XKR4: variants seen among roughly 807,000 people sequenced by gnomAD.
XKR4 encodes the protein XK related 4.
A neutral mutation model predicts 53.9 loss-of-function variants in XKR4; 12 were observed. The ratio of observed to expected loss-of-function variants is 0.22; its 90% CI spans 0.14 to 0.36. XKR4 has a LOEUF of 0.36. Ranked by LOEUF, XKR4 falls within the 10% of genes least tolerant of loss-of-function variation. The pLI is 1.00. For missense variants in XKR4, 799 were observed against 859.5 expected (o/e 0.93, Z 0.88); for synonymous variants, 354 against 362.4 (o/e 0.98, Z 0.26).
At chr8:55,502,605 A>G (rs1001912280) in intron 2 of XKR4, among the ~76,000 whole-genome samples, 1 of 126,290 alleles carries the variant, frequency 7.9e-6, no homozygotes, top group Non-Finnish European at 1.6e-5. Flanking sequence ...TTATTGAGTT[A>G]TAGTTTTTTT....
chr8:55,246,572 C>G (rs1165487210), intron 1 of XKR4, among the ~76,000 whole-genome samples: 1 of 152,142 alleles, frequency 6.6e-6, no homozygotes, highest in African/African-American at 2.4e-5. Flanking sequence ...CTTCTACTTA[C>G]TAAGTATATA....
rs138724540 is a variant in XKR4, at chr8:55,192,249, A to C, written c.806+88955A>C. ...TACAAAGTCCCTTAACTTTGTTGAA[A>C]TCCTGTGCTAGCCATTCCACAAACC... On this transcript the variant is annotated intron_variant, in intron 1 of 2. Coordinates refer to ENST00000327381, the MANE Select transcript of XKR4 (RefSeq NM_052898.2). Among the ~76,000 whole-genome samples, 583 of 144,692 alleles carry C rather than the reference A, an allele frequency of 4.0e-3. 5 individuals are homozygous for C. The highest frequency in any genetic ancestry group is 0.013 in the African/African-American group (523 of 39,702). 94.9% of individuals were successfully genotyped at this position (144,692 alleles called of 152,430 possible). A position where few individuals can be genotyped will look rare whatever the true frequency, so the allele number is the denominator to read the frequency against.
At chr8:55,124,722 A>T (rs1299807920) in intron 1 of XKR4, among the ~76,000 whole-genome samples, 1 of 151,990 alleles carries the variant, frequency 6.6e-6, no homozygotes, top group Admixed American at 6.6e-5. Flanking sequence ...TTTATTTTTT[A>T]TTCTTTTTAG....
chr8:55,531,303 G>A lies in XKR4; in HGVS notation c.*7076G>A, dbSNP rs1408133985. The stretch of plus-strand genomic sequence containing the variant: ...GCATGCTACTGTACCGAATACTGTA[G>A]GCAACTGTAACACCATGGTAAGTAC... On this transcript the variant is annotated 3_prime_UTR_variant, in exon 3 of 3. Coordinates refer to ENST00000327381, the MANE Select transcript of XKR4 (RefSeq NM_052898.2). 1.3e-5 allele frequency: 2 copies of A among 152,112 alleles called. No homozygotes were observed. Among genetic ancestry groups the A allele is most frequent in the East Asian group, 3.8e-4 (2 of 5,200 alleles). 9.4% of individuals were successfully genotyped at this position (152,112 alleles called of 1,614,324 possible). A position where few individuals can be genotyped will look rare whatever the true frequency, so the allele number is the denominator to read the frequency against.
chr8:55,126,829 C>T (rs1459658090), intron 1 of XKR4, among the ~76,000 whole-genome samples: 3 of 152,276 alleles, frequency 2.0e-5, no homozygotes, highest in East Asian at 1.9e-4. Flanking sequence ...AGGTTAACCA[C>T]GATTAGAGAA....
intron 1 of XKR4, among the ~76,000 whole-genome samples, chr8:55,262,253 C>G (rs937147641): frequency 8.5e-5 from 13 of 152,072 alleles, no homozygotes; most frequent in African/African-American, 3.1e-4. Flanking sequence ...TATAAATTGC[C>G]AGAATTAATC....
chr8:55,274,423 G>A (rs1006686249), intron 1 of XKR4, among the ~76,000 whole-genome samples: 1 of 151,520 alleles, frequency 6.6e-6, no homozygotes, highest in Non-Finnish European at 1.5e-5. Context: ...TATATCTGTG[G>A]GTCCAAATTT....
At chr8:55,391,523 A>G (rs941685975) in intron 2 of XKR4, among the ~76,000 whole-genome samples, 4 of 152,220 alleles carry the variant, frequency 2.6e-5, no homozygotes, top group Non-Finnish European at 4.4e-5. Context: ...AAAAATATGT[A>G]TGGTATATAT....
intron 1 of XKR4, among the ~76,000 whole-genome samples, chr8:55,125,012 G>A (rs1387420316): frequency 6.6e-6 from 1 of 152,106 alleles, no homozygotes; most frequent in Admixed American, 6.5e-5. Flanking sequence ...AGCCAATTGT[G>A]GCAACATCTA....
intron 1 of XKR4, among the ~76,000 whole-genome samples, chr8:55,150,712 A>G (rs929145668): frequency 2.6e-5 from 4 of 152,140 alleles, no homozygotes; most frequent in African/African-American, 9.7e-5. Flanking sequence ...AGCATCTCTT[A>G]TATAACATTT....
At chr8:55,391,361 G>A (rs1689945882) in intron 2 of XKR4, among the ~76,000 whole-genome samples, 1 of 152,148 alleles carries the variant, frequency 6.6e-6, no homozygotes, top group African/African-American at 2.4e-5. Flanking sequence ...CAGCCCAAAT[G>A]TCCACCACTA....
intron 2 of XKR4, among the ~76,000 whole-genome samples, chr8:55,474,946 G>C (rs998190441): frequency 6.6e-6 from 1 of 152,112 alleles, no homozygotes; most frequent in East Asian, 1.9e-4. Context: ...GCAAGGAACT[G>C]TTCCAGAATA....
chr8:55,135,900 T>G (rs558973067), intron 1 of XKR4, among the ~76,000 whole-genome samples: 82 of 149,954 alleles, frequency 5.5e-4, no homozygotes, highest in Admixed American at 1.1e-3. Flanking sequence ...TTTTTTTTTT[T>G]TTTTGTTTTT....
At chr8:55,453,481 G>T in intron 2 of XKR4, 1 of 396,170 alleles carries the variant, frequency 2.5e-6, no homozygotes, top group East Asian at 6.8e-5. Context: ...AGATGCAGTT[G>T]CCCACGACCT....
intron 1 of XKR4, among the ~76,000 whole-genome samples, chr8:55,161,998 A>T (rs1420178781): frequency 2.6e-5 from 4 of 152,190 alleles, no homozygotes; most frequent in Non-Finnish European, 4.4e-5. Flanking sequence ...AAGGCTTTAG[A>T]TAGAAGTGTA....
At chr8:55,252,987 A>C (rs886421837) in intron 1 of XKR4, among the ~76,000 whole-genome samples, 2 of 152,172 alleles carry the variant, frequency 1.3e-5, no homozygotes, top group African/African-American at 4.8e-5. Flanking sequence ...CATAGGGAAG[A>C]AAAGTCATCT....
At chr8:55,293,652 G>A (rs1347793356) in intron 1 of XKR4, among the ~76,000 whole-genome samples, 1 of 152,094 alleles carries the variant, frequency 6.6e-6, no homozygotes, top group East Asian at 1.9e-4. Context: ...TATTCTATCA[G>A]GAAGAAACTG....
At chr8:55,171,319 G>A (rs1426903435) in intron 1 of XKR4, among the ~76,000 whole-genome samples, 2 of 152,170 alleles carry the variant, frequency 1.3e-5, no homozygotes, top group Non-Finnish European at 2.9e-5. Context: ...TCTGGTGGGA[G>A]ACACAATGGA....
intron 2 of XKR4, among the ~76,000 whole-genome samples, chr8:55,432,425 T>TTA (rs1296620224): frequency 6.6e-6 from 1 of 152,194 alleles, no homozygotes. Context: ...GTGCAGGCCT[T>TTA]TAGTGCCCCT....
Sources: gnomAD v4.1 joint callset for allele counts (sites outside exome capture counted in the v4.1 genomes callset) on GRCh38, gnomAD v4.1.1 for gene constraint, MANE v1.5 for transcripts, NCBI Gene and HGNC (gene_info 2026-07-23, HGNC 2026-07-21) for gene names.